FAM135A: variants seen among roughly 807,000 people sequenced by gnomAD.
FAM135A encodes protein FAM135A.
FAM135A carries 79 observed loss-of-function variants against 146.8 expected under a neutral mutation model. The ratio of observed to expected loss-of-function variants is 0.54; its 90% CI spans 0.45 to 0.65. The LOEUF is 0.65. Ranked by LOEUF, FAM135A falls within the 30% of genes least tolerant of loss-of-function variation. The probability of loss-of-function intolerance (pLI) is 0.00; values close to 1 mark genes in which losing one functional copy is unlikely to be tolerated. For synonymous variants in FAM135A, 562 were observed against 603.6 expected (o/e 0.93, Z 1.01); for missense variants, 1,623 against 1,758.2 (o/e 0.92, Z 1.38).
chr6:70,441,873 TG>T (rs1362601892), intron 4 of FAM135A, among the ~76,000 whole-genome samples: 1 of 151,998 alleles, frequency 6.6e-6, no homozygotes, highest in African/African-American at 2.4e-5. Context: ...TTAGTAGAGA[TG>T]GGGTGTCACC....
At chr6:70,536,558 AT>A in intron 19 of FAM135A, 147 bp downstream of exon 19, 1 of 609,894 alleles carries the variant, frequency 1.6e-6, no homozygotes, top group Non-Finnish European at 2.4e-6. Context: ...CTGTTTTGTT[AT>A]GCACATGAAA....
chr6:70,463,481 A>C (rs113085136), intron 5 of FAM135A, among the ~76,000 whole-genome samples: 6,984 of 151,930 alleles, frequency 0.046, 354 homozygotes, highest in African/African-American at 0.11. Context: ...GCTGGTCTCA[A>C]ACTCTTGGCC....
At chr6:70,468,419 T>C (rs1246789799) in intron 5 of FAM135A, among the ~76,000 whole-genome samples, 1 of 152,194 alleles carries the variant, frequency 6.6e-6, no homozygotes, top group Non-Finnish European at 1.5e-5. Context: ...TTTCCTAAGC[T>C]TAGGGTTCCT....
chr6:70,454,795 G>A (rs1019828276), intron 5 of FAM135A, among the ~76,000 whole-genome samples: 5 of 152,134 alleles, frequency 3.3e-5, no homozygotes, highest in African/African-American at 1.2e-4. Context: ...GTGCCATGCT[G>A]TTTTGGTACC....
In FAM135A at chr6:70,525,069, G is replaced by A; in HGVS notation, c.1985G>A (p.Ser662Asn). Residue 662 changes from serine to asparagine, a missense_variant, in exon 15 of 22, where the codon AGT (serine) becomes AAT (asparagine). Ser to Asn is a conservative substitution (Grantham distance 46). Around this residue, in one of 7 missense-constraint regions of FAM135A, gnomAD observed 1,061 missense variants for 1,113.8 expected, o/e 0.95. Coordinates refer to ENST00000418814, the MANE Select transcript of FAM135A (RefSeq NM_001162529.3). Reference protein sequence around the residue: ...LGVRTIEIKPSNKDPFSGENI... With the variant: ...LGVRTIEIKPNNKDPFSGENI... ...GTTAGAACAATTGAAATAAAGCCCAGTAATAAAGATCCTTTCAGTGGAGAG... is the reference window on the plus strand; with the variant it reads ...GTTAGAACAATTGAAATAAAGCCCAATAATAAAGATCCTTTCAGTGGAGAG... 1 of 1,583,894 alleles carries A rather than the reference G, an allele frequency of 6.3e-7. No individual in the cohort carries two copies.
chr6:70,429,507 CAT>C (rs1263114077), intron 4 of FAM135A, among the ~76,000 whole-genome samples: 6 of 151,180 alleles, frequency 4.0e-5, no homozygotes, highest in Admixed American at 4.0e-4. Flanking sequence ...AGCAAGACTC[CAT>C]CTCAAGGAAC....
chr6:70,445,734 C>G (rs143106394), intron 4 of FAM135A, among the ~76,000 whole-genome samples: 2 of 152,176 alleles, frequency 1.3e-5, no homozygotes, highest in African/African-American at 4.8e-5. Context: ...GCCCTCATTC[C>G]GGTAAACCCA....
At chr6:70,517,639 G>A (rs915479201) in intron 12 of FAM135A, among the ~76,000 whole-genome samples, 2 of 151,908 alleles carry the variant, frequency 1.3e-5, no homozygotes, top group East Asian at 1.9e-4. Context: ...GGCTGGTCTC[G>A]AACTCCTCCC....
chr6:70,530,061 C>T (rs1198924588), intron 16 of FAM135A, among the ~76,000 whole-genome samples: 1 of 146,750 alleles, frequency 6.8e-6, no homozygotes, highest in Non-Finnish European at 1.5e-5. Context: ...AAGACTACGT[C>T]TCAAAAAAAA....
intron 2 of FAM135A, among the ~76,000 whole-genome samples, chr6:70,426,109 CA>C (rs543932611): frequency 2.8e-4 from 27 of 95,842 alleles, no homozygotes; most frequent in Non-Finnish European, 2.6e-4. Context: ...GACTCCGTCT[CA>C]AAAAAAAAAA....
chr6:70,455,381 T>TAC (rs34915267), intron 5 of FAM135A, among the ~76,000 whole-genome samples: 4,271 of 146,082 alleles, frequency 0.029, 107 homozygotes, highest in East Asian at 0.08. Context: ...TTATGACAAA[T>TAC]ACACACACAC....
chr6:70,538,152 T>A (rs1382583022), intron 19 of FAM135A, 139 bp from the exon 20 acceptor site: 2 of 442,714 alleles, frequency 4.5e-6, no homozygotes, highest in Non-Finnish European at 3.9e-6. Context: ...ATTTTCCAAA[T>A]ATATTTTTGA....
At chr6:70,477,644 A>G (rs1351500288) in intron 8 of FAM135A, among the ~76,000 whole-genome samples, 3 of 152,150 alleles carry the variant, frequency 2.0e-5, no homozygotes, top group African/African-American at 7.2e-5. Context: ...GACAGTATCA[A>G]GAGGAATGGT....
chr6:70,495,930 T>G (rs1787137660), intron 11 of FAM135A, among the ~76,000 whole-genome samples: 1 of 152,192 alleles, frequency 6.6e-6, no homozygotes. Flanking sequence ...GAATGATGGT[T>G]TCCAGCTTCA....
intron 2 of FAM135A, among the ~76,000 whole-genome samples, chr6:70,421,735 G>A (rs981380127): frequency 1.3e-5 from 2 of 152,174 alleles, no homozygotes; most frequent in Non-Finnish European, 2.9e-5. Flanking sequence ...TAGACCTCCA[G>A]ATGATTTCAG....
chr6:70,415,029 A>C (rs1767248079), intron 1 of FAM135A, among the ~76,000 whole-genome samples: 1 of 152,172 alleles, frequency 6.6e-6, no homozygotes, highest in African/African-American at 2.4e-5. Flanking sequence ...TTTTCCTGAG[A>C]GTCTCTGTTC....
At chr6:70,543,531 A>T (rs935574571) in intron 20 of FAM135A, among the ~76,000 whole-genome samples, 1 of 152,236 alleles carries the variant, frequency 6.6e-6, no homozygotes, top group African/African-American at 2.4e-5. Context: ...CAGAGCATCA[A>T]TGGTAAGTTT....
chr6:70,443,323 G>A (rs899218393), intron 4 of FAM135A, among the ~76,000 whole-genome samples: 43 of 152,214 alleles, frequency 2.8e-4, no homozygotes, highest in African/African-American at 1.0e-3. Flanking sequence ...AGTAGCTTTG[G>A]TAACCTCCTA....
At chr6:70,508,761 T>C (rs1411583621) in intron 12 of FAM135A, among the ~76,000 whole-genome samples, 1 of 152,202 alleles carries the variant, frequency 6.6e-6, no homozygotes, top group Non-Finnish European at 1.5e-5. Flanking sequence ...GGTTGCCAGA[T>C]GAAATGCAGA....
Sources: gnomAD v4.1 joint callset for allele counts (sites outside exome capture counted in the v4.1 genomes callset) on GRCh38, gnomAD v4.1.1 for gene constraint, gnomAD v4.1.1 regional missense constraint, MANE v1.5 for transcripts, NCBI Gene and HGNC (gene_info 2026-07-23, HGNC 2026-07-21) for gene names.